Variants in TATDN2 observed in about 807,000 individuals in gnomAD.
The protein encoded by TATDN2 is TatD DNase domain containing 2.
A neutral mutation model predicts 60.3 loss-of-function variants in TATDN2; 44 were observed. The ratio of observed to expected loss-of-function variants is 0.73; its 90% confidence interval spans 0.57 to 0.94. The LOEUF is 0.94. Among genes scored for constraint, TATDN2 ranks in the 40% least tolerant of loss-of-function variants. TATDN2 has a pLI of 0.00. For missense variants in TATDN2, 997 were observed against 948.0 expected (o/e 1.05, Z -0.68); for synonymous variants, 399 against 355.8 (o/e 1.12, Z -1.37).
chr3:10,277,935 CT>C (rs1401601400), intron 5 of TATDN2, among the ~76,000 whole-genome samples: 1 of 152,062 alleles, frequency 6.6e-6, no homozygotes, highest in African/African-American at 2.4e-5. Context: ...TTTTTATATG[CT>C]GTCGTTGTCA....
At chr3:10,252,843 C>A (rs1698252039) in intron 2 of TATDN2, among the ~76,000 whole-genome samples, 1 of 148,846 alleles carries the variant, frequency 6.7e-6, no homozygotes. Context: ...CGTGTGCCAA[C>A]CTGCCTGGCT....
rs930777091 is a variant in TATDN2, at chr3:10,263,748, G to A, written c.948+3078G>A. On this transcript the variant is annotated intron_variant, in intron 3 of 7. Coordinates refer to ENST00000448281, the MANE Select transcript of TATDN2 (RefSeq NM_014760.4). ...TCTTTTGATCTCTTCTGTGTTAGAG[G>A]CTGCCTTCACATGTCTGGTAATCTT... 4.6e-5 allele frequency among the ~76,000 whole-genome samples: 7 copies of A among 152,236 alleles called. 1 individual carries two copies. The South Asian group carries it at 1.5e-3, about 32-fold the overall frequency.
intron 3 of TATDN2, among the ~76,000 whole-genome samples, chr3:10,261,849 C>G (rs1255778778): frequency 2.0e-5 from 3 of 152,322 alleles, no homozygotes; most frequent in African/African-American, 4.8e-5. Flanking sequence ...ATTTAGTTCT[C>G]TATACCTCCT....
Position 10,270,410 on chromosome 3 carries a change from A to C in TATDN2, c.1228A>C (p.Lys410Gln). The C allele has an allele frequency of 6.2e-7, 1 of 1,614,188 alleles. No individual in the cohort carries two copies. The highest frequency in any genetic ancestry group is 2.2e-5 in the East Asian group (1 of 44,886). ...SSSNDAAQVG[K>Q]SSRSRMSDYS... ...CAGCAACGATGCAGCCCAGGTTGGG[A>C]AGAGCAGCCGGAGCCGCATGAGTGA... The change falls in exon 4 of 8, where the codon AAG becomes CAG. Residue 410 changes from lysine to glutamine, a missense_variant. Lys to Gln is a moderately conservative substitution (Grantham distance 53). Transcript: ENST00000448281.
At chr3:10,256,560 T>C (rs1698311834) in intron 2 of TATDN2, among the ~76,000 whole-genome samples, 3 of 152,136 alleles carry the variant, frequency 2.0e-5, no homozygotes, top group Admixed American at 2.0e-4. Flanking sequence ...AAGTGCTTGC[T>C]TAATGGTTGA....
Position 10,270,697 on chromosome 3 carries a change from C to A in TATDN2, c.1515C>A (p.Leu505=). ...FIDTHCHLDM[L]YSKLSFQGTF... The stretch of plus-strand genomic sequence containing the variant: ...ACACTCATTGTCACCTGGACATGCT[C>A]TATTCCAAGCTATCTTTCCAAGGGA... Residue 505 remains leucine (L), a synonymous_variant, in exon 4 of 8, where the codon CTC becomes CTA. Transcript: ENST00000448281. 6.2e-7 allele frequency: 1 copy of A among 1,614,240 alleles called. No homozygotes were observed. Among genetic ancestry groups the A allele is most frequent in the Non-Finnish European group, 8.5e-7 (1 of 1,180,048 alleles).
intron 4 of TATDN2, among the ~76,000 whole-genome samples, chr3:10,276,118 A>G (rs537512337): frequency 6.6e-6 from 1 of 152,374 alleles, no homozygotes; most frequent in Non-Finnish European, 1.5e-5. Flanking sequence ...CCCTCACTGC[A>G]TGCTGCGCAG....
chr3:10,278,864 T>C lies in TATDN2; in HGVS notation c.2146-21T>C, dbSNP rs1698677802. 6.2e-7 allele frequency: 1 copy of C among 1,614,004 alleles called. No homozygotes were observed. Among genetic ancestry groups the C allele is most frequent in the African/African-American group, 1.3e-5 (1 of 75,066 alleles). On this transcript the variant is annotated intron_variant, in intron 6 of 7. Transcript: ENST00000448281. This position sits in a 1 kb window ranked among gnomAD's most constrained non-coding sequence, Gnocchi z 4.7. ...GTGCACACATGGCACAATGATGTTA[T>C]GACCACTTGATGTCTTCCAGGTTCC...
At chr3:10,271,043 T>C (rs756316893) in intron 4 of TATDN2, 28 bp downstream of exon 4, 1 of 1,506,280 alleles carries the variant, frequency 6.6e-7, no homozygotes, top group Non-Finnish European at 8.8e-7. Context: ...AGTCTGCTTA[T>C]AGTTTTAATT....
chr3:10,258,133 C>T (rs529056478), intron 2 of TATDN2, among the ~76,000 whole-genome samples: 15 of 151,262 alleles, frequency 9.9e-5, no homozygotes, highest in East Asian at 5.8e-4. Context: ...CATTAGCCAC[C>T]GCGCCCAGCT....
chr3:10,271,791 GCCTCCA>G lies in TATDN2; in HGVS notation c.1833+782_1833+787del, dbSNP rs918020590. Among the ~76,000 whole-genome samples, 8 of 148,540 alleles carry G rather than the reference GCCTCCA, an allele frequency of 5.4e-5. 1 individual carries two copies. The highest frequency in any genetic ancestry group is 3.3e-4 in the Admixed American group (5 of 14,952). ...AGTGGCACGATCTCGGCTCACTGCG[GCCTCCA>G]CCTCCGCCTCCGCCTCCGCCTCCTG... On this transcript the variant is annotated intron_variant, in intron 4 of 7. Transcript: ENST00000448281.
chr3:10,265,410 TG>T (rs1698463419), intron 3 of TATDN2, among the ~76,000 whole-genome samples: 1 of 148,438 alleles, frequency 6.7e-6, no homozygotes, highest in Non-Finnish European at 1.5e-5. Flanking sequence ...TAGCTGGGCG[TG>T]GGGCTCATGC....
At chr3:10,276,252 G>T in intron 4 of TATDN2, 109 bp from the exon 5 acceptor site, 1 of 1,368,292 alleles carries the variant, frequency 7.3e-7, no homozygotes, top group Non-Finnish European at 9.9e-7. Flanking sequence ...ACATTATATA[G>T]TTAAAAAAAG....
intron 4 of TATDN2, among the ~76,000 whole-genome samples, chr3:10,274,386 TAAAG>T (rs2067363): frequency 0.22 from 32,727 of 152,088 alleles, 3,682 homozygotes; most frequent in Middle Eastern, 0.26. Context: ...GTGCTTGTGT[TAAAG>T]AAAGAAATTA....
Position 10,270,699 on chromosome 3 carries a change from A to T in TATDN2, c.1517A>T (p.Tyr506Phe). The T allele has an allele frequency of 3.1e-6, 5 of 1,614,220 alleles. No individual in the cohort carries two copies. The highest frequency in any genetic ancestry group is 4.2e-6 in the Non-Finnish European group (5 of 1,180,046). The stretch of plus-strand genomic sequence containing the variant: ...ACTCATTGTCACCTGGACATGCTCT[A>T]TTCCAAGCTATCTTTCCAAGGGACC... ...IDTHCHLDML[Y>F]SKLSFQGTFT... The change falls in exon 4 of 8, where the codon TAT becomes TTT. Residue 506 changes from tyrosine to phenylalanine, a missense_variant. Tyr to Phe is a conservative substitution (Grantham distance 22, BLOSUM62 3). Transcript: ENST00000448281.
chr3:10,275,390 T>C (rs1698619964), intron 4 of TATDN2, among the ~76,000 whole-genome samples: 1 of 152,202 alleles, frequency 6.6e-6, no homozygotes, highest in South Asian at 2.1e-4. Context: ...GTGGGTAGTG[T>C]TATAAAGAGT....
rs960397744 is a variant in TATDN2 at position 10,271,032 on chromosome 3, T to C, written c.1833+17T>C. 5.2e-6 allele frequency: 8 copies of C among 1,525,230 alleles called. No individual in the cohort carries two copies. In the East Asian group the frequency reaches 1.1e-4, roughly 22 times the overall value. 94.5% of individuals were successfully genotyped at this position (1,525,230 alleles called of 1,614,324 possible). On this transcript the variant is annotated intron_variant, in intron 4 of 7. Transcript: ENST00000448281. ...CAGCACAAGGTAACAAGGCTCTCTT[T>C]AGTCTGCTTATAGTTTTAATTTTTC...
chr3:10,257,755 C>T (rs924204716), intron 2 of TATDN2, among the ~76,000 whole-genome samples: 27 of 148,468 alleles, frequency 1.8e-4, no homozygotes, highest in African/African-American at 4.2e-4. Context: ...TATTCATCTT[C>T]GTGAAGTTAG....
chr3:10,267,371 T>G (rs1416927134), intron 3 of TATDN2, among the ~76,000 whole-genome samples: 1 of 152,208 alleles, frequency 6.6e-6, no homozygotes, highest in Non-Finnish European at 1.5e-5. Flanking sequence ...TTATGGTGTA[T>G]GTTTCTAGTT....
Sources: allele counts gnomAD v4.1 joint callset (sites outside exome capture counted in the v4.1 genomes callset), GRCh38; gene constraint gnomAD v4.1.1; non-coding constraint Gnocchi (gnomAD v3.1); transcripts MANE v1.5; gene names NCBI Gene and HGNC (gene_info 2026-07-23, HGNC 2026-07-21).